CAPN15: variants seen among roughly 807,000 people sequenced by gnomAD.
The protein encoded by CAPN15 is calpain-15.
CAPN15 carries 53 observed loss-of-function variants against 97.9 expected under a neutral mutation model. The ratio of observed to expected loss-of-function variants is 0.54; its 90% CI spans 0.43 to 0.68. The LOEUF is 0.68. Among genes scored for constraint, CAPN15 ranks in the 30% least tolerant of loss-of-function variants. CAPN15 has a pLI of 0.00. For synonymous variants in CAPN15, 922 were observed against 722.5 expected, an observed-to-expected ratio of 1.28 and a Z score of -4.43; for missense variants, 1,592 against 1,589.8, an observed-to-expected ratio of 1.00 and a Z score of -0.02.
chr16:551,159 C>CA lies in CAPN15; in HGVS notation c.2067-143_2067-142insA, dbSNP rs2035037215. On this transcript the variant is annotated intron_variant, in intron 7 of 13. Coordinates refer to ENST00000219611, the MANE Select transcript of CAPN15 (RefSeq NM_005632.3). Reference sequence around the variant, plus strand: ...AGGGCCCCGGTCGGTGAGGGCGCCCCGTCGGTGAGGGTCCCGGTCGGTGAG... The same window carrying CA: ...AGGGCCCCGGTCGGTGAGGGCGCCCCAGTCGGTGAGGGTCCCGGTCGGTGAG... The CA allele has an allele frequency of 1.3e-4, 144 of 1,148,096 alleles. 5 individuals carry two copies. The African/African-American group carries it at 3.5e-3, about 28-fold the overall frequency. The allele number at this position is 1,148,096 out of a possible 1,614,324, so 71.1% of individuals were successfully genotyped here.
intron 3 of CAPN15, among the ~76,000 whole-genome samples, chr16:544,026 G>A (rs549265826): frequency 5.3e-5 from 8 of 152,322 alleles, no homozygotes; most frequent in African/African-American, 1.4e-4. Context: ...CTGTACAGCT[G>A]ACAGAGTGCC....
chr16:529,479 C>T (rs913441815), intron 1 of CAPN15, among the ~76,000 whole-genome samples: 3 of 152,160 alleles, frequency 2.0e-5, no homozygotes, highest in Admixed American at 6.5e-5. Context: ...GGGGAGGGGC[C>T]GAGGGAGGCT....
chr16:553,690 C>A lies in CAPN15; in HGVS notation c.*174C>A. 1 of 525,746 alleles carries A rather than the reference C, an allele frequency of 1.9e-6. No homozygotes were observed. Among genetic ancestry groups the A allele is most frequent in the Non-Finnish European group, 3.3e-6 (1 of 299,934 alleles). 32.6% of individuals were successfully genotyped at this position (525,746 alleles called of 1,614,324 possible). On this transcript the variant is annotated 3_prime_UTR_variant, in exon 14 of 14. Transcript: ENST00000219611. ...CCCCCCGCCCCCCTCCTTCCCCTCCCTGAACCCCACAGTCCGCCTGGCCAG... is the reference window on the plus strand; with the variant it reads ...CCCCCCGCCCCCCTCCTTCCCCTCCATGAACCCCACAGTCCGCCTGGCCAG...
At chr16:539,125 T>A (rs1461822812) in intron 3 of CAPN15, 1 of 152,384 alleles carries the variant, frequency 6.6e-6, no homozygotes, top group African/African-American at 2.4e-5. Context: ...CTCAAACTCT[T>A]GGGCTCAGGT....
intron 3 of CAPN15, among the ~76,000 whole-genome samples, chr16:543,009 C>T (rs1187806137): frequency 6.6e-6 from 1 of 152,074 alleles, no homozygotes; most frequent in Non-Finnish European, 1.5e-5. Flanking sequence ...CAAGATTGCA[C>T]CACTGCACTC....
At chr16:536,780 A>G (rs2033766836) in intron 3 of CAPN15, 1 of 152,304 alleles carries the variant, frequency 6.6e-6, no homozygotes, top group Non-Finnish European at 1.5e-5. Flanking sequence ...TCATGAGTGG[A>G]CGGAACACAG....
rs12446131 is a variant in CAPN15 at position 529,056 on chromosome 16, C to T, written c.-190+1027C>T. Among the ~76,000 whole-genome samples the T allele has an allele frequency of 3.5e-3, 531 of 152,276 alleles. 26 individuals are homozygous for T. The highest frequency in any genetic ancestry group is 0.032 in the Admixed American group (491 of 15,300). On this transcript the variant is annotated intron_variant, in intron 1 of 13. Transcript: ENST00000219611. ...TCTGGCCTGTCTGGGGGAGGCAGGT[C>T]CTGCAGGAAACCAGCTTGGCCTGGC...
intron 3 of CAPN15, chr16:540,378 G>C (rs1307561820): frequency 1.1e-5 from 11 of 984,168 alleles, no homozygotes; most frequent in Non-Finnish European, 1.3e-5. Flanking sequence ...GAAGGTAAGA[G>C]GTGGGGAGGG....
intron 7 of CAPN15, among the ~76,000 whole-genome samples, chr16:550,727 G>A (rs946713563): frequency 1.4e-5 from 2 of 147,740 alleles, no homozygotes; most frequent in African/African-American, 5.1e-5. Flanking sequence ...TGTCGGTGAG[G>A]GTCCCCGTCG....
chr16:553,180 GC>G (rs59024546), intron 13 of CAPN15, 139 bp downstream of exon 13: 4,712 of 246,118 alleles, frequency 0.019, 25 homozygotes, highest in African/African-American at 0.041. Context: ...CCCAACCCAT[GC>G]CCCCCCCACC....
chr16:534,823 G>A (rs1304076149), intron 2 of CAPN15, among the ~76,000 whole-genome samples: 1 of 152,232 alleles, frequency 6.6e-6, no homozygotes, highest in African/African-American at 2.4e-5. Flanking sequence ...GCTCGGGCAG[G>A]GGTGACACCG....
rs201233650 is a variant in CAPN15 at position 551,692 on chromosome 16, G to A, written c.2345+28G>A. 1.3e-3 allele frequency: 2,097 copies of A among 1,578,222 alleles called. 48 individuals carry two copies. In the South Asian group the frequency reaches 0.021, roughly 16 times the overall value. On this transcript the variant is annotated intron_variant, in intron 9 of 13. Transcript: ENST00000219611. The stretch of plus-strand genomic sequence containing the variant: ...ATCGGCACCGTGGGGCGGTGTGCAC[G>A]CCGCCCCCGCCCTCCTAGGGCCGAG...
Position 551,513 on chromosome 16 carries a change from C to G in CAPN15, c.2194C>G (p.Leu732Val). The G allele has an allele frequency of 6.2e-7, 1 of 1,609,728 alleles. No homozygotes were observed. Among genetic ancestry groups the G allele is most frequent in the Non-Finnish European group, 8.5e-7 (1 of 1,177,600 alleles). Reference protein sequence around the residue: ...LDVRDVQGTRLLRLRNPWGRF... With the variant: ...LDVRDVQGTRVLRLRNPWGRF... ...GATCCTCACCCCTGTGGTCTGCAGG[C>G]TTCTGCGGCTCCGAAACCCGTGGGG... The change falls in exon 9 of 14, where the codon CTT becomes GTT. Residue 732 changes from leucine to valine, a missense_variant and splice_region_variant. Coordinates refer to ENST00000219611, the MANE Select transcript of CAPN15 (RefSeq NM_005632.3).
At chr16:541,228 C>T (rs1455581029) in intron 3 of CAPN15, among the ~76,000 whole-genome samples, 3 of 152,268 alleles carry the variant, frequency 2.0e-5, no homozygotes, top group Non-Finnish European at 2.9e-5. Context: ...AACCAGCCTC[C>T]AGGTGGCATC....
chr16:550,801 C>A (rs1366658390), intron 7 of CAPN15, among the ~76,000 whole-genome samples: 1 of 22,202 alleles, frequency 4.5e-5, no homozygotes, highest in Non-Finnish European at 8.2e-5. Flanking sequence ...GGGTCCCGGT[C>A]GGTGAGGGCC....
intron 1 of CAPN15, among the ~76,000 whole-genome samples, chr16:530,944 C>T (rs2033206020): frequency 6.6e-6 from 1 of 152,244 alleles, no homozygotes; most frequent in African/African-American, 2.4e-5. Flanking sequence ...ATCAGCCTCG[C>T]CATCCTGGCC....
chr16:545,385 A>T lies in CAPN15; in HGVS notation c.-22-1432A>T, dbSNP rs557604817. Among the ~76,000 whole-genome samples the T allele has an allele frequency of 4.0e-5, 6 of 151,736 alleles. No homozygotes were observed. In the South Asian group the frequency reaches 1.3e-3, roughly 32 times the overall value. On this transcript the variant is annotated intron_variant, in intron 3 of 13. Transcript: ENST00000219611. Reference sequence around the variant, plus strand: ...CCCCCTTCCACCTCGGCCCACCGAGAGAGGCCGGCACAGCGCAGACTGCGG... The same window carrying T: ...CCCCCTTCCACCTCGGCCCACCGAGTGAGGCCGGCACAGCGCAGACTGCGG...
At position 551,492 on chromosome 16, in the gene CAPN15, C is replaced by T. The variant is rs746582526; in HGVS notation, c.2193-20C>T. On this transcript the variant is annotated intron_variant, in intron 8 of 13. Coordinates refer to ENST00000219611, the MANE Select transcript of CAPN15 (RefSeq NM_005632.3). Reference sequence around the variant, plus strand: ...AGACTCGGGCAGTGTGGTTCAGATCCTCACCCCTGTGGTCTGCAGGCTTCT... The same window carrying T: ...AGACTCGGGCAGTGTGGTTCAGATCTTCACCCCTGTGGTCTGCAGGCTTCT... 3 of 1,604,524 alleles carry T rather than the reference C, an allele frequency of 1.9e-6. No homozygotes were observed. Among genetic ancestry groups the T allele is most frequent in the Non-Finnish European group, 2.6e-6 (3 of 1,173,404 alleles).
chr16:542,780 G>A (rs145375767), intron 3 of CAPN15, among the ~76,000 whole-genome samples: 1,704 of 152,136 alleles, frequency 0.011, 31 homozygotes, highest in African/African-American at 0.039. Context: ...TTGGCCAGGC[G>A]CAGTAGCTCA....
Sources: allele counts gnomAD v4.1 joint callset (sites outside exome capture counted in the v4.1 genomes callset), GRCh38; gene constraint gnomAD v4.1.1; transcripts MANE v1.5; gene names NCBI Gene and HGNC (gene_info 2026-07-23, HGNC 2026-07-21).